ANKFN1: variants seen among roughly 807,000 people sequenced by gnomAD.
The protein encoded by ANKFN1 is ankyrin repeat and fibronectin type-III domain-containing protein 1.
A neutral mutation model predicts 108.7 loss-of-function variants in ANKFN1; 74 were observed. The observed-to-expected ratio is 0.68, with a 90% CI of 0.56 to 0.83. The LOEUF is 0.83. Among genes scored for constraint, ANKFN1 ranks in the 40% least tolerant of loss-of-function variants. The probability of loss-of-function intolerance (pLI) is 0.00; values close to 1 mark genes in which losing one functional copy is unlikely to be tolerated. For missense variants in ANKFN1, 1,505 were observed against 1,382.3 expected (o/e 1.09, Z -1.41); for synonymous variants, 547 against 516.2 (o/e 1.06, Z -0.81).
At chr17:56,180,636 A>G (rs921238104) in intron 1 of ANKFN1, among the ~76,000 whole-genome samples, 3 of 152,218 alleles carry the variant, frequency 2.0e-5, no homozygotes, top group Non-Finnish European at 2.9e-5. Flanking sequence ...TAACTCTCCT[A>G]CAGGCAACAT....
intron 1 of ANKFN1, among the ~76,000 whole-genome samples, chr17:56,168,878 TA>T (rs1164136191): frequency 6.6e-6 from 1 of 152,150 alleles, no homozygotes; most frequent in Non-Finnish European, 1.5e-5. Flanking sequence ...AGTGAATGGA[TA>T]AGTGGAGACA....
intron 3 of ANKFN1, among the ~76,000 whole-genome samples, chr17:56,256,110 T>G (rs2043351427): frequency 6.6e-6 from 1 of 152,188 alleles, no homozygotes; most frequent in African/African-American, 2.4e-5. Flanking sequence ...CCATTTCCAC[T>G]CTGAATTCCT....
intron 8 of ANKFN1, among the ~76,000 whole-genome samples, chr17:56,426,614 A>T (rs4141032): frequency 0.02 from 3,004 of 152,212 alleles, 92 homozygotes; most frequent in African/African-American, 0.067. Context: ...CAAAATAGAG[A>T]TAACTACAGC....
Position 56,499,055 on chromosome 17 carries a change from C to A in ANKFN1, c.2601C>A (p.Ser867=). The A allele has an allele frequency of 6.5e-7, 1 of 1,535,560 alleles. No homozygotes were observed. Among genetic ancestry groups the A allele is most frequent in the Non-Finnish European group, 8.7e-7 (1 of 1,146,564 alleles). The change falls in exon 20 of 21, where the codon TCC becomes TCA. Residue 867 remains serine, a synonymous_variant. Transcript: ENST00000682825. ...CATCACATATAGACTGTCTTCCATC[C>A]CCACCCCCATCCCCAGAGATGCACA... The part of the protein sequence containing the change: ...TSSSHIDCLP[S]PPPSPEMHRR...
intron 4 of ANKFN1, among the ~76,000 whole-genome samples, chr17:56,088,549 C>T (rs562968919): frequency 1.3e-5 from 2 of 150,860 alleles, no homozygotes; most frequent in South Asian, 4.2e-4. Flanking sequence ...CTGATATGTC[C>T]CTCTTTGCCT....
intron 3 of ANKFN1, among the ~76,000 whole-genome samples, chr17:56,249,846 A>G (rs755716024): frequency 3.3e-5 from 5 of 152,144 alleles, no homozygotes; most frequent in South Asian, 4.1e-4. Context: ...TTTTTCCCAT[A>G]TAGAAAGCCA....
chr17:56,391,709 AGCCACC>A (rs999079129), intron 8 of ANKFN1, among the ~76,000 whole-genome samples: 1 of 152,062 alleles, frequency 6.6e-6, no homozygotes, highest in Non-Finnish European at 1.5e-5. Flanking sequence ...TACAGGCGTG[AGCCACC>A]GCGCCTGACC....
At chr17:56,500,070 A>G (rs1425501860) in intron 20 of ANKFN1, among the ~76,000 whole-genome samples, 1 of 152,232 alleles carries the variant, frequency 6.6e-6, no homozygotes, top group African/African-American at 2.4e-5. Flanking sequence ...TACTAGCTGT[A>G]TGAGCTTGAA....
chr17:56,288,785 G>A (rs574485196), intron 3 of ANKFN1, among the ~76,000 whole-genome samples: 34 of 152,224 alleles, frequency 2.2e-4, no homozygotes, highest in African/African-American at 6.0e-4. Context: ...CCACACCATG[G>A]TTTATGAAGT....
At chr17:56,254,497 C>T (rs551223073) in intron 3 of ANKFN1, among the ~76,000 whole-genome samples, 6 of 152,258 alleles carry the variant, frequency 3.9e-5, no homozygotes, top group African/African-American at 1.4e-4. Context: ...CCAGGATGTC[C>T]CAGTATGTCC....
Position 56,365,826 on chromosome 17 carries a change from T to A in ANKFN1, c.602-6820T>A, listed in dbSNP as rs773125301. 7.9e-5 allele frequency among the ~76,000 whole-genome samples: 12 copies of A among 152,362 alleles called. No individual in the cohort carries two copies. The South Asian group carries it at 1.9e-3, about 24-fold the overall frequency. Reference sequence around the variant, plus strand: ...TATAAAAGTATGGCACATACAGTTATGTACAGGACACACTACTTGATAATG... The same window carrying A: ...TATAAAAGTATGGCACATACAGTTAAGTACAGGACACACTACTTGATAATG... On this transcript the variant is annotated intron_variant, in intron 6 of 20. Transcript: ENST00000682825.
In ANKFN1 at chr17:56,494,581, T is replaced by C. The variant is rs181713160; in HGVS notation, c.2427+2228T>C. On this transcript the variant is annotated intron_variant, in intron 19 of 20. Transcript: ENST00000682825. ...ATCTCTATTAAATAAAAATAAAAAA[T>C]AAAAAGAAGTCAAGGAGCACACATT... Among the ~76,000 whole-genome samples the C allele has an allele frequency of 4.8e-4, 73 of 151,960 alleles. 6 individuals carry two copies. The highest frequency in any genetic ancestry group is 9.9e-4 in the African/African-American group (41 of 41,438).
In ANKFN1 at chr17:56,510,945, C is replaced by G. The variant is rs1192174108; in HGVS notation, c.3117C>G (p.Ser1039=). Residue 1039 remains serine (S), a synonymous_variant, in exon 21 of 21, where the codon TCC becomes TCG. Transcript: ENST00000682825. ...LSEGIYTQHL[S]QACGLAQEPK... ...AGGGCATTTATACACAGCACCTGTC[C>G]CAGGCCTGTGGTCTGGCCCAGGAGC... The G allele has an allele frequency of 2.0e-6, 3 of 1,536,054 alleles. No individual in the cohort carries two copies. In the African/African-American group the frequency reaches 4.1e-5, roughly 21 times the overall value.
At chr17:56,096,235 G>T (rs778936424) in intron 4 of ANKFN1, among the ~76,000 whole-genome samples, 1 of 152,108 alleles carries the variant, frequency 6.6e-6, no homozygotes, top group Admixed American at 6.5e-5. Context: ...GCCAGGATGT[G>T]GTTGTCTGAT....
At chr17:56,420,040 C>T (rs1407911742) in intron 8 of ANKFN1, among the ~76,000 whole-genome samples, 2 of 152,130 alleles carry the variant, frequency 1.3e-5, no homozygotes, top group Non-Finnish European at 2.9e-5. Flanking sequence ...CCCAGAGCAG[C>T]TCATGTTACC....
chr17:56,283,538 T>TATA (rs1263196279), intron 3 of ANKFN1, among the ~76,000 whole-genome samples: 3 of 150,180 alleles, frequency 2.0e-5, no homozygotes, highest in African/African-American at 5.0e-5. Context: ...TATATATATA[T>TATA]GATGGAATAC....
intron 1 of ANKFN1, among the ~76,000 whole-genome samples, chr17:56,203,572 C>G (rs1914239398): frequency 6.6e-6 from 1 of 152,204 alleles, no homozygotes; most frequent in Non-Finnish European, 1.5e-5. Context: ...TTGAGCCGGA[C>G]TGGTTGCCAT....
intron 20 of ANKFN1, among the ~76,000 whole-genome samples, chr17:56,500,294 C>A (rs1345485078): frequency 6.6e-6 from 1 of 152,024 alleles, no homozygotes; most frequent in Non-Finnish European, 1.5e-5. Flanking sequence ...GTGTCTGCAC[C>A]TATATTTTTA....
intron 3 of ANKFN1, among the ~76,000 whole-genome samples, chr17:56,256,845 A>AAAT (rs2043371540): frequency 6.6e-6 from 1 of 152,184 alleles, no homozygotes; most frequent in African/African-American, 2.4e-5. Context: ...CTCTCTTACC[A>AAAT]AATACTACTA....
Sources: allele counts gnomAD v4.1 joint callset (sites outside exome capture counted in the v4.1 genomes callset), GRCh38; gene constraint gnomAD v4.1.1; transcripts MANE v1.5; gene names NCBI Gene and HGNC (gene_info 2026-07-23, HGNC 2026-07-21).